The following SEMA6D variants were observed in gnomAD, a reference collection of about 807,000 sequenced individuals.
SEMA6D encodes semaphorin-6D.
Under a neutral mutation model 106.6 loss-of-function variants are expected in SEMA6D, and 35 were observed. That is an observed-to-expected ratio of 0.33 (90% CI 0.25 to 0.44). The LOEUF (loss-of-function observed/expected upper bound fraction) is 0.44, where lower values mean the gene tolerates loss of function less well. Ranked by LOEUF, SEMA6D falls within the 20% of genes least tolerant of loss-of-function variation. SEMA6D has a pLI of 1.00. For missense variants in SEMA6D, 1,185 were observed against 1,345.9 expected (o/e 0.88, Z 1.87); for synonymous variants, 499 against 487.7 (o/e 1.02, Z -0.31).
At chr15:47,325,118 C>G (rs1195455187) in intron 1 of SEMA6D, among the ~76,000 whole-genome samples, 1 of 151,920 alleles carries the variant, frequency 6.6e-6, no homozygotes, top group African/African-American at 2.4e-5. Context: ...TTGACCTTAA[C>G]TATTGCTTGA....
intron 1 of SEMA6D, among the ~76,000 whole-genome samples, chr15:47,731,579 C>T (rs1272312149): frequency 6.6e-6 from 1 of 152,082 alleles, no homozygotes; most frequent in Non-Finnish European, 1.5e-5. Flanking sequence ...AAGTGATGTC[C>T]CAGCTAGCTG....
intron 1 of SEMA6D, among the ~76,000 whole-genome samples, chr15:47,296,069 C>G (rs2035791299): frequency 6.6e-6 from 1 of 152,176 alleles, no homozygotes; most frequent in Non-Finnish European, 1.5e-5. Context: ...CTGATGTAAT[C>G]AGAATATAAG....
At chr15:47,450,688 C>T (rs988336352) in intron 2 of SEMA6D, among the ~76,000 whole-genome samples, 1 of 151,940 alleles carries the variant, frequency 6.6e-6, no homozygotes, top group Non-Finnish European at 1.5e-5. Flanking sequence ...GGTAGTTTGA[C>T]TTAAGGGAAG....
chr15:47,328,531 G>A (rs956983277), intron 1 of SEMA6D, among the ~76,000 whole-genome samples: 1 of 152,166 alleles, frequency 6.6e-6, no homozygotes, highest in Non-Finnish European at 1.5e-5. Context: ...GTAGATGAAG[G>A]GGCAGCATTT....
intron 4 of SEMA6D, among the ~76,000 whole-genome samples, chr15:47,642,971 A>G (rs1270830266): frequency 2.0e-5 from 3 of 152,002 alleles, no homozygotes; most frequent in African/African-American, 7.3e-5. Context: ...GGAGATGGAG[A>G]TAGATATACA....
intron 4 of SEMA6D, among the ~76,000 whole-genome samples, chr15:47,612,507 A>G (rs968577623): frequency 3.3e-5 from 5 of 152,218 alleles, no homozygotes; most frequent in African/African-American, 1.2e-4. Flanking sequence ...ATGAGGGCTA[A>G]GGTTGTAGAT....
intron 1 of SEMA6D, among the ~76,000 whole-genome samples, chr15:47,239,679 T>C (rs1344622273): frequency 1.3e-5 from 2 of 152,100 alleles, no homozygotes; most frequent in Admixed American, 1.3e-4. Context: ...TGGCTGGCTC[T>C]GTTACCATTG....
intron 1 of SEMA6D, among the ~76,000 whole-genome samples, chr15:47,251,113 A>C (rs1462309902): frequency 6.6e-6 from 1 of 152,178 alleles, no homozygotes; most frequent in Non-Finnish European, 1.5e-5. Flanking sequence ...GAAACCCCCA[A>C]TACAAGAAAA....
intron 1 of SEMA6D, among the ~76,000 whole-genome samples, chr15:47,228,178 T>G (rs2031937029): frequency 9.2e-6 from 1 of 108,532 alleles, no homozygotes; most frequent in Admixed American, 9.3e-5. Flanking sequence ...ATATATAACC[T>G]TTTGTTACTT....
chr15:47,680,381 A>G (rs1197331993), intron 4 of SEMA6D, among the ~76,000 whole-genome samples: 1 of 152,182 alleles, frequency 6.6e-6, no homozygotes, highest in African/African-American at 2.4e-5. Flanking sequence ...CTTTGGGGTC[A>G]CTTCGTTTAT....
At chr15:47,232,526 G>T (rs2032270171) in intron 1 of SEMA6D, among the ~76,000 whole-genome samples, 2 of 148,028 alleles carry the variant, frequency 1.4e-5, no homozygotes, top group African/African-American at 2.5e-5. Flanking sequence ...ATGGGGGGAG[G>T]GTGTGTGTGT....
chr15:47,228,468 T>C (rs566234481), intron 1 of SEMA6D, among the ~76,000 whole-genome samples: 1 of 34,904 alleles, frequency 2.9e-5, no homozygotes, highest in African/African-American at 5.3e-5. Flanking sequence ...TAAGCCTTGG[T>C]AAATGTTTGT....
chr15:47,723,876 G>A (rs1324081131), intron 1 of SEMA6D, among the ~76,000 whole-genome samples: 1 of 152,194 alleles, frequency 6.6e-6, no homozygotes, highest in East Asian at 1.9e-4. Flanking sequence ...AGGAAGATCT[G>A]CAATTACTTA....
intron 4 of SEMA6D, among the ~76,000 whole-genome samples, chr15:47,677,616 T>G (rs1486304768): frequency 6.6e-6 from 1 of 152,220 alleles, no homozygotes; most frequent in African/African-American, 2.4e-5. Context: ...AGATCTGAAG[T>G]CCATTCCTGT....
intron 2 of SEMA6D, among the ~76,000 whole-genome samples, chr15:47,436,912 T>G (rs1595992161): frequency 7.3e-6 from 1 of 137,456 alleles, no homozygotes; most frequent in African/African-American, 2.7e-5. Flanking sequence ...CCAGCCTGGG[T>G]GACAAAGCAA....
intron 4 of SEMA6D, among the ~76,000 whole-genome samples, chr15:47,659,781 C>T (rs2077879704): frequency 6.6e-6 from 1 of 151,956 alleles, no homozygotes; most frequent in African/African-American, 2.4e-5. Context: ...TGAATGGCTT[C>T]TAAATAAATG....
chr15:47,451,235 G>A (rs185419014), intron 2 of SEMA6D, among the ~76,000 whole-genome samples: 7 of 152,150 alleles, frequency 4.6e-5, no homozygotes, highest in Admixed American at 3.9e-4. Context: ...TTGGGATTCT[G>A]GGAGTGGGTT....
At chr15:47,645,961 C>T (rs967534313) in intron 4 of SEMA6D, among the ~76,000 whole-genome samples, 16 of 152,152 alleles carry the variant, frequency 1.1e-4, no homozygotes, top group African/African-American at 3.6e-4. Flanking sequence ...GCTTCCGTGT[C>T]CTCTCAGGGA....
chr15:47,663,803 C>G (rs1240387917), intron 4 of SEMA6D, among the ~76,000 whole-genome samples: 1 of 152,130 alleles, frequency 6.6e-6, no homozygotes, highest in Non-Finnish European at 1.5e-5. Flanking sequence ...TTCAGAAAAT[C>G]CAGGCACATG....
Sources: allele counts gnomAD v4.1 joint callset (sites outside exome capture counted in the v4.1 genomes callset), GRCh38; gene constraint gnomAD v4.1.1; transcripts MANE v1.5; gene names NCBI Gene and HGNC (gene_info 2026-07-23, HGNC 2026-07-21).